The following HSD11B1 variants were observed in gnomAD, a reference collection of about 807,000 sequenced individuals.
HSD11B1 encodes hydroxysteroid 11-beta dehydrogenase 1, also known as 11-beta-hydroxysteroid dehydrogenase 1.
Under a neutral mutation model 22.1 loss-of-function variants are expected in HSD11B1, and 15 were observed. That is an observed-to-expected ratio of 0.68 (90% CI 0.45 to 1.04). The LOEUF (loss-of-function observed/expected upper bound fraction) is 1.04. HSD11B1 is among the 50% of genes least tolerant of loss of function. The pLI, the probability that HSD11B1 is intolerant of heterozygous loss-of-function variation, is 0.00. For synonymous variants in HSD11B1, 122 were observed against 125.2 expected (o/e 0.97, Z 0.17); for missense variants, 281 against 357.6 (o/e 0.79, Z 1.73).
intron 4 of HSD11B1, among the ~76,000 whole-genome samples, chr1:209,722,924 G>C (rs562235202): frequency 2.0e-4 from 31 of 152,354 alleles, no homozygotes; most frequent in Non-Finnish European, 4.4e-4. Flanking sequence ...GGAGGGTAGA[G>C]AGGGGATGAA....
At chr1:209,727,898 T>A (rs1335624301) in intron 4 of HSD11B1, among the ~76,000 whole-genome samples, 11 of 152,234 alleles carry the variant, frequency 7.2e-5, no homozygotes, top group Non-Finnish European at 1.6e-4. Flanking sequence ...GACCTTTTCA[T>A]TCAAAATCCA....
chr1:209,734,554 T>C lies in HSD11B1; in HGVS notation c.*33T>C. 1 of 1,483,196 alleles carries C rather than the reference T, an allele frequency of 6.7e-7. No individual in the cohort carries two copies. The allele number at this position is 1,483,196 out of a possible 1,614,324, so 91.9% of individuals were successfully genotyped here. On this transcript the variant is annotated 3_prime_UTR_variant, in exon 6 of 6. Coordinates refer to ENST00000367027, the MANE Select transcript of HSD11B1 (RefSeq NM_005525.4). Reference sequence around the variant, plus strand: ...CTGAGGGCTGGGCATGCTGAGGGATTTTGGGACTGTTCTGTCTCATGTTTA... The same window carrying C: ...CTGAGGGCTGGGCATGCTGAGGGATCTTGGGACTGTTCTGTCTCATGTTTA...
chr1:209,713,687 T>C (rs948158630), intron 4 of HSD11B1, among the ~76,000 whole-genome samples: 2 of 152,236 alleles, frequency 1.3e-5, no homozygotes, highest in African/African-American at 4.8e-5. Flanking sequence ...TCCTCCTGGA[T>C]ACTTTAAATC....
chr1:209,693,366 T>C (rs2076772707), intron 1 of HSD11B1, among the ~76,000 whole-genome samples: 1 of 152,226 alleles, frequency 6.6e-6, no homozygotes, highest in African/African-American at 2.4e-5. Flanking sequence ...ATTTGAGAAT[T>C]TAAGTTCCCA....
intron 4 of HSD11B1, among the ~76,000 whole-genome samples, chr1:209,727,615 C>T (rs1046236836): frequency 6.6e-6 from 1 of 152,166 alleles, no homozygotes; most frequent in Non-Finnish European, 1.5e-5. Flanking sequence ...GAGGAAGTAC[C>T]ACCTAGTGTT....
At chr1:209,705,703 A>T (rs2076853975) in intron 1 of HSD11B1, 108 bp from the exon 2 acceptor site, 1 of 1,389,892 alleles carries the variant, frequency 7.2e-7, no homozygotes, top group African/African-American at 1.4e-5. Flanking sequence ...ATCTGGGCTC[A>T]TAACCTTTAA....
intron 4 of HSD11B1, among the ~76,000 whole-genome samples, chr1:209,714,792 G>C (rs1413484679): frequency 2.0e-5 from 3 of 152,214 alleles, no homozygotes; most frequent in Admixed American, 6.5e-5. Flanking sequence ...AGCACAGATT[G>C]AAAAACTTGA....
chr1:209,702,213 G>A (rs1460404674), upstream of HSD11B1, among the ~76,000 whole-genome samples: 3 of 152,200 alleles, frequency 2.0e-5, no homozygotes, highest in African/African-American at 7.2e-5. Flanking sequence ...AGATTTGGGG[G>A]ATGGGATTGA....
intron 1 of HSD11B1, among the ~76,000 whole-genome samples, chr1:209,694,240 A>C (rs1276843497): frequency 1.3e-5 from 2 of 152,196 alleles, no homozygotes; most frequent in Non-Finnish European, 2.9e-5. Context: ...ATGTATAAGA[A>C]TCAGTTCATC....
intron 4 of HSD11B1, among the ~76,000 whole-genome samples, chr1:209,708,435 G>A (rs2076874249): frequency 6.6e-6 from 1 of 152,160 alleles, no homozygotes; most frequent in South Asian, 2.1e-4. Context: ...TGGATAAAGG[G>A]GCAGTGTGTC....
intron 1 of HSD11B1, among the ~76,000 whole-genome samples, chr1:209,688,101 T>A (rs922526935): frequency 2.0e-5 from 3 of 152,220 alleles, no homozygotes; most frequent in Admixed American, 2.0e-4. Context: ...TGGAGAGACA[T>A]GGCTAGTTCA....
At chr1:209,687,365 G>A (rs2076734452) in intron 1 of HSD11B1, among the ~76,000 whole-genome samples, 1 of 152,198 alleles carries the variant, frequency 6.6e-6, no homozygotes, top group African/African-American at 2.4e-5. Context: ...GGTAAGGAGA[G>A]ATGAAACAAT....
At position 209,727,864 on chromosome 1, in the gene HSD11B1, G is replaced by A. The variant is rs2077013225; in HGVS notation, c.518-4572G>A. Among the ~76,000 whole-genome samples, 3 of 152,174 alleles carry A rather than the reference G, an allele frequency of 2.0e-5. No individual in the cohort carries two copies. The South Asian group carries it at 6.2e-4, about 32-fold the overall frequency. On this transcript the variant is annotated intron_variant, in intron 4 of 5. Transcript: ENST00000367027. ...CTTATCCCTCTCCATGGCTGAAATG[G>A]CTACCCCAGTCCCAACCTTACATGA...
At chr1:209,705,073 A>C in intron 1 of HSD11B1, 43 bp downstream of exon 1, 2 of 1,466,052 alleles carry the variant, frequency 1.4e-6, no homozygotes, top group Non-Finnish European at 1.9e-6. Flanking sequence ...AGGTTTAAAA[A>C]ACACAGGGGT....
In HSD11B1 at chr1:209,714,767, G is replaced by A. The variant is rs563712801; in HGVS notation, c.517+7639G>A. Among the ~76,000 whole-genome samples, 22 of 152,270 alleles carry A rather than the reference G, an allele frequency of 1.4e-4. No homozygotes were observed. The South Asian group carries it at 1.9e-3, about 13-fold the overall frequency. ...GCCAAGCAAGATAGGCATCTTCACC[G>A]GGGAGGAAGGTGGCAGCACAGATTG... On this transcript the variant is annotated intron_variant, in intron 4 of 5. Coordinates refer to ENST00000367027, the MANE Select transcript of HSD11B1 (RefSeq NM_005525.4).
At chr1:209,689,764 C>T (rs2076748383) in intron 1 of HSD11B1, among the ~76,000 whole-genome samples, 1 of 151,764 alleles carries the variant, frequency 6.6e-6, no homozygotes. Context: ...CGTGCTTCTT[C>T]TGCAGGCTGC....
At chr1:209,702,174 TTAAA>T (rs2076830263), upstream of HSD11B1, among the ~76,000 whole-genome samples, 1 of 152,242 alleles carries the variant, frequency 6.6e-6, no homozygotes, top group Admixed American at 6.5e-5. Flanking sequence ...TTATTATTTT[TTAAA>T]ACTTTGTTGA....
intron 4 of HSD11B1, 36 bp from the exon 5 acceptor site, chr1:209,732,400 A>G (rs753085876): frequency 6.2e-7 from 1 of 1,613,300 alleles, no homozygotes; most frequent in Non-Finnish European, 8.5e-7. Context: ...TGAAATGGGC[A>G]GCCTTATTAA....
In HSD11B1 at chr1:209,732,501, T is replaced by C; in HGVS notation, c.583T>C (p.Ser195Pro). Residue 195 changes from serine (S) to proline (P), a missense_variant, in exon 5 of 6, where the codon TCC becomes CCC. Physicochemically the swap from Ser to Pro is moderately conservative, Grantham distance 74 (BLOSUM62 -1). Transcript: ENST00000367027. The part of the protein sequence containing the change: ...ASKFALDGFF[S>P]SIRKEYSVSR... Reference sequence around the variant, plus strand: ...CAAGTTTGCTTTGGATGGGTTCTTCTCCTCCATCAGAAAGGAATATTCAGT... The same window carrying C: ...CAAGTTTGCTTTGGATGGGTTCTTCCCCTCCATCAGAAAGGAATATTCAGT... 6.2e-7 allele frequency: 1 copy of C among 1,613,734 alleles called. No homozygotes were observed. The highest frequency in any genetic ancestry group is 8.5e-7 in the Non-Finnish European group (1 of 1,179,646).
Sources: allele counts gnomAD v4.1 joint callset (sites outside exome capture counted in the v4.1 genomes callset), GRCh38; gene constraint gnomAD v4.1.1; transcripts MANE v1.5; gene names NCBI Gene and HGNC (gene_info 2026-07-23, HGNC 2026-07-21).